Variants in GNAI1 observed in about 807,000 individuals in gnomAD.
GNAI1 encodes the protein G protein subunit alpha i1, also known as guanine nucleotide-binding protein G(i) subunit alpha-1.
Under a neutral mutation model 38.9 loss-of-function variants are expected in GNAI1, and 11 were observed. The observed-to-expected ratio is 0.28, with a 90% CI of 0.18 to 0.47. The LOEUF is 0.47. Among genes scored for constraint, GNAI1 ranks in the 20% least tolerant of loss-of-function variants. The probability of loss-of-function intolerance (pLI) is 0.99; values close to 1 mark genes in which losing one functional copy is unlikely to be tolerated. For synonymous variants in GNAI1, 166 were observed against 145.1 expected (o/e 1.14, Z -1.04); for missense variants, 317 against 436.9 (o/e 0.73, Z 2.45).
chr7:80,212,513 T>G (rs1263896743), intron 6 of GNAI1, among the ~76,000 whole-genome samples: 1 of 152,168 alleles, frequency 6.6e-6, no homozygotes, highest in East Asian at 1.9e-4. Flanking sequence ...AAGTAAAAGT[T>G]GAATGCAAAA....
chr7:80,217,465 ATAATC>A lies in GNAI1; in HGVS notation c.1041_1045del (p.Asn347LysfsTer21). 1 of 1,601,304 alleles carries A rather than the reference ATAATC, an allele frequency of 6.2e-7. No individual in the cohort carries two copies. Among genetic ancestry groups the A allele is most frequent in the Non-Finnish European group, 8.5e-7 (1 of 1,175,562 alleles). On this transcript the variant is annotated frameshift_variant, in exon 8 of 8. Transcript: ENST00000649796. LOFTEE classifies it high-confidence loss of function. ...GCTGTAACAGATGTCATCATAAAAA[ATAATC>A]TAAAAGATTGTGGTCTCTTTTAAGT...
intron 5 of GNAI1, 25 bp from the exon 6 acceptor site, chr7:80,210,944 G>C (rs1276854879): frequency 6.2e-7 from 1 of 1,606,600 alleles, no homozygotes; most frequent in African/African-American, 1.3e-5. Flanking sequence ...TTAATGTGAT[G>C]TTAACTCATT....
chr7:80,158,069 A>T (rs1438415188), intron 1 of GNAI1, among the ~76,000 whole-genome samples: 1 of 152,092 alleles, frequency 6.6e-6, no homozygotes, highest in Non-Finnish European at 1.5e-5. Context: ...GAGGTGTCAA[A>T]GTTTTTAGCC....
rs67345654 is a variant in GNAI1 at position 80,222,382 on chromosome 7, A to ATTT, written c.*4906_*4908dup. On this transcript the variant is annotated 3_prime_UTR_variant, in exon 8 of 8. Transcript: ENST00000649796. ...TGAAGGAGCTAGTTCTTCAAATTTA[A>ATTT]TTTTTTTTTTTTTTTTTTTCCTGAG... Among the ~76,000 whole-genome samples, 17,373 of 127,618 alleles carry ATTT rather than the reference A, an allele frequency of 0.14. 1,290 individuals are homozygous for ATTT. Among genetic ancestry groups the ATTT allele is most frequent in the Middle Eastern group, 0.19 (46 of 242 alleles). 83.7% of individuals were successfully genotyped at this position (127,618 alleles called of 152,430 possible).
chr7:80,149,957 C>T (rs892344871), intron 1 of GNAI1, among the ~76,000 whole-genome samples: 1 of 151,970 alleles, frequency 6.6e-6, no homozygotes, highest in Non-Finnish European at 1.5e-5. Context: ...ACCTACATAC[C>T]CTAACAAAGT....
chr7:80,172,874 A>C (rs1788120742), intron 1 of GNAI1, among the ~76,000 whole-genome samples: 1 of 152,204 alleles, frequency 6.6e-6, no homozygotes, highest in South Asian at 2.1e-4. Flanking sequence ...GAAGTTTTTT[A>C]AAACGTAAAG....
At chr7:80,181,071 A>T (rs1204389448) in intron 1 of GNAI1, among the ~76,000 whole-genome samples, 1 of 152,136 alleles carries the variant, frequency 6.6e-6, no homozygotes, top group Non-Finnish European at 1.5e-5. Context: ...GGAAAAAAAA[A>T]TCACTGTATC....
chr7:80,225,836 A>G lies in GNAI1; in HGVS notation c.*8343A>G, dbSNP rs188284345. Reference sequence around the variant, plus strand: ...GTTTAATGGGATCGATCTGAGAAAAATTAGATTTATGTGCAGATTTTAGCT... The same window carrying G: ...GTTTAATGGGATCGATCTGAGAAAAGTTAGATTTATGTGCAGATTTTAGCT... On this transcript the variant is annotated 3_prime_UTR_variant, in exon 8 of 8. Transcript: ENST00000649796. 6.6e-6 allele frequency among the ~76,000 whole-genome samples: 1 copy of G among 152,316 alleles called. No homozygotes were observed. The highest frequency in any genetic ancestry group is 2.4e-5 in the African/African-American group (1 of 41,582).
At chr7:80,175,972 G>C (rs1291332597) in intron 1 of GNAI1, among the ~76,000 whole-genome samples, 1 of 152,188 alleles carries the variant, frequency 6.6e-6, no homozygotes, top group Non-Finnish European at 1.5e-5. Context: ...AGCTAGAAAT[G>C]ATTAAGCTTA....
chr7:80,216,116 G>A (rs1209295560), intron 7 of GNAI1, among the ~76,000 whole-genome samples: 2 of 152,034 alleles, frequency 1.3e-5, no homozygotes, highest in African/African-American at 4.8e-5. Context: ...TTTTATTGAA[G>A]CATTACATAG....
chr7:80,210,038 GC>G (rs1176092212), intron 5 of GNAI1, among the ~76,000 whole-genome samples: 2 of 152,032 alleles, frequency 1.3e-5, no homozygotes, highest in Non-Finnish European at 2.9e-5. Flanking sequence ...AATTCTTTTT[GC>G]CTGGGAATTA....
chr7:80,210,745 T>TA (rs1273953997), intron 5 of GNAI1, among the ~76,000 whole-genome samples: 1 of 141,870 alleles, frequency 7.0e-6, no homozygotes, highest in Non-Finnish European at 1.5e-5. Context: ...TTTTTTTTTT[T>TA]AGAGATACCC....
rs576536604 is a variant in GNAI1 at position 80,143,928 on chromosome 7, G to A, written c.118+8650G>A. The stretch of plus-strand genomic sequence containing the variant: ...GATGTGTGTGTGTGTGTGTGCGCGC[G>A]TGTGTGTATCTATATGTGTGCATAT... On this transcript the variant is annotated intron_variant, in intron 1 of 7. Transcript: ENST00000649796. 5.0e-4 allele frequency among the ~76,000 whole-genome samples: 29 copies of A among 58,256 alleles called. No homozygotes were observed. In the East Asian group the frequency reaches 8.9e-3, roughly 18 times the overall value. The allele number at this position is 58,256 out of a possible 152,430, so 38.2% of individuals were successfully genotyped here.
intron 1 of GNAI1, among the ~76,000 whole-genome samples, chr7:80,171,733 T>C (rs1788102005): frequency 6.6e-6 from 1 of 152,250 alleles, no homozygotes; most frequent in South Asian, 2.1e-4. Flanking sequence ...TTTTTGATTT[T>C]AAATTTCAGT....
intron 1 of GNAI1, among the ~76,000 whole-genome samples, chr7:80,174,773 A>G (rs1788153568): frequency 2.0e-5 from 3 of 152,096 alleles, no homozygotes; most frequent in African/African-American, 7.2e-5. Flanking sequence ...GCAGATGTTT[A>G]TTTCTCCCAT....
chr7:80,172,345 C>T (rs1051850531), intron 1 of GNAI1, among the ~76,000 whole-genome samples: 1 of 152,132 alleles, frequency 6.6e-6, no homozygotes, highest in Non-Finnish European at 1.5e-5. Context: ...AATTTGGGAG[C>T]TGAAGGTAGT....
rs569973389 is a variant in GNAI1 at position 80,199,271 on chromosome 7, G to C, written c.350G>C (p.Gly117Ala). ...LFVLAGAAEE[G>A]FMTAELAGVI... Reference sequence around the variant, plus strand: ...GTGCTAGCTGGAGCTGCTGAAGAAGGCTTTATGACTGCAGAACTTGCTGGA... The same window carrying C: ...GTGCTAGCTGGAGCTGCTGAAGAAGCCTTTATGACTGCAGAACTTGCTGGA... Residue 117 changes from glycine (G) to alanine (A), a missense_variant, in exon 4 of 8, where the codon GGC becomes GCC. Physicochemically the swap from Gly to Ala is moderately conservative, Grantham distance 60 (BLOSUM62 0). Transcript: ENST00000649796. 1 of 1,613,394 alleles carries C rather than the reference G, an allele frequency of 6.2e-7. No homozygotes were observed. The highest frequency in any genetic ancestry group is 2.2e-5 in the East Asian group (1 of 44,850).
At chr7:80,181,511 C>T (rs1292116986) in intron 1 of GNAI1, among the ~76,000 whole-genome samples, 1 of 152,182 alleles carries the variant, frequency 6.6e-6, no homozygotes, top group Non-Finnish European at 1.5e-5. Flanking sequence ...TCCACCCTTC[C>T]TCATCGAGTG....
At chr7:80,135,511 A>T (rs1787394284) in intron 1 of GNAI1, 1 of 400,796 alleles carries the variant, frequency 2.5e-6, no homozygotes, top group African/African-American at 2.1e-5. Flanking sequence ...GCGTCACTTC[A>T]CTCGGATGCT....
Sources: gnomAD v4.1 joint callset for allele counts (sites outside exome capture counted in the v4.1 genomes callset) on GRCh38, gnomAD v4.1.1 for gene constraint, MANE v1.5 for transcripts, NCBI Gene and HGNC (gene_info 2026-07-23, HGNC 2026-07-21) for gene names.